The following EMX2 variants were observed in gnomAD, a reference collection of about 807,000 sequenced individuals.
EMX2 encodes the protein homeobox protein EMX2.
In EMX2, 6 loss-of-function variants were observed where a neutral mutation model predicts 23.0. The ratio of observed to expected loss-of-function variants is 0.26; its 90% CI spans 0.14 to 0.52. The LOEUF (loss-of-function observed/expected upper bound fraction) is 0.52. Ranked by LOEUF, EMX2 falls within the 20% of genes least tolerant of loss-of-function variation. EMX2 has a pLI of 0.97. For missense variants in EMX2, 302 were observed against 341.4 expected (o/e 0.88, Z 0.91); for synonymous variants, 175 against 153.3 (o/e 1.14, Z -1.04).
intron 2 of EMX2, among the ~76,000 whole-genome samples, chr10:117,546,229 C>T (rs576980866): frequency 2.0e-5 from 3 of 152,182 alleles, no homozygotes; most frequent in Non-Finnish European, 2.9e-5. Context: ...GAGTTCTGAG[C>T]GACTGTGAGC....
At position 117,545,694 on chromosome 10, in the gene EMX2, A is replaced by G. The variant is rs1239729348; in HGVS notation, c.469A>G (p.Ile157Val). Residue 157 changes from isoleucine to valine, a missense_variant, in exon 2 of 3, where the codon ATC (isoleucine) becomes GTC (valine). By Grantham distance (29) the Ile-to-Val change is conservative. This residue lies in a region of EMX2 where 37 missense variants were observed against 69.1 expected (regional missense o/e 0.54). Transcript: ENST00000553456. The stretch of plus-strand genomic sequence containing the variant: ...CGCGCTGGCCCGAAAGCCCAAGCGG[A>G]TCCGAACCGCCTTCTCCCCGTCCCA... ...HNALARKPKRIRTAFSPSQLL... is the reference protein window; with the variant it reads ...HNALARKPKRVRTAFSPSQLL... 6.2e-7 allele frequency: 1 copy of G among 1,614,130 alleles called. No homozygotes were observed. Among genetic ancestry groups the G allele is most frequent in the Non-Finnish European group, 8.5e-7 (1 of 1,180,036 alleles).
chr10:117,544,671 T>TA (rs1846549771), intron 1 of EMX2: 1 of 152,086 alleles, frequency 6.6e-6, no homozygotes, highest in Non-Finnish European at 1.5e-5. Context: ...CCCCATATTT[T>TA]AAAAAATCAA....
chr10:117,547,947 CG>C, intron 2 of EMX2, 117 bp from the exon 3 acceptor site: 1 of 1,432,340 alleles, frequency 7.0e-7, no homozygotes, highest in Non-Finnish European at 9.5e-7. Context: ...ACTTGCATCT[CG>C]GGGGCTGGGT....
Position 117,545,710 on chromosome 10 carries a change from C to G in EMX2, c.485C>G (p.Ser162Cys), listed in dbSNP as rs1564751704. Residue 162 changes from serine to cysteine, a missense_variant, in exon 2 of 3, where the codon TCC becomes TGC. By Grantham distance (112) the Ser-to-Cys change is moderately radical (BLOSUM62 -1). Coordinates refer to ENST00000553456, the MANE Select transcript of EMX2 (RefSeq NM_004098.4). ...CCCAAGCGGATCCGAACCGCCTTCTCCCCGTCCCAGCTTCTAAGGCTGGAA... is the reference window on the plus strand; with the variant it reads ...CCCAAGCGGATCCGAACCGCCTTCTGCCCGTCCCAGCTTCTAAGGCTGGAA... ...RKPKRIRTAF[S>C]PSQLLRLEHA... is the part of the protein sequence containing the mutation. 1 of 1,614,146 alleles carries G rather than the reference C, an allele frequency of 6.2e-7. No individual in the cohort carries two copies. The highest frequency in any genetic ancestry group is 1.7e-5 in the Admixed American group (1 of 60,032).
intron 1 of EMX2, among the ~76,000 whole-genome samples, chr10:117,545,422 C>T (rs939355776): frequency 2.6e-5 from 4 of 152,150 alleles, no homozygotes; most frequent in African/African-American, 7.2e-5. Flanking sequence ...GGTTGGGTGC[C>T]GCACCGGTGG....
chr10:117,546,522 T>G (rs1375857751), intron 2 of EMX2, among the ~76,000 whole-genome samples: 2 of 152,004 alleles, frequency 1.3e-5, no homozygotes, highest in South Asian at 2.1e-4. Context: ...AACGTTTTTT[T>G]GGGCAGACTA....
chr10:117,548,193 G>A lies in EMX2; in HGVS notation c.720G>A (p.Gln240=), dbSNP rs1390445185. 1.9e-6 allele frequency: 3 copies of A among 1,613,992 alleles called. No homozygotes were observed. Among genetic ancestry groups the A allele is most frequent in the Admixed American group, 3.3e-5 (2 of 60,018 alleles). The change falls in exon 3 of 3, where the codon CAG becomes CAA. Residue 240 remains glutamine, a synonymous_variant. Transcript: ENST00000553456. ...HINRWRIATK[Q]ASPEEIDVTS... is the part of the protein sequence containing the mutation. ...ACCGGTGGAGAATCGCCACCAAGCAGGCGAGTCCGGAGGAAATAGACGTGA... is the reference window on the plus strand; with the variant it reads ...ACCGGTGGAGAATCGCCACCAAGCAAGCGAGTCCGGAGGAAATAGACGTGA...
At chr10:117,545,071 C>A (rs1056956346) in intron 1 of EMX2, 1 of 152,256 alleles carries the variant, frequency 6.6e-6, no homozygotes, top group Admixed American at 6.5e-5. Context: ...CCAAGCACAC[C>A]CGCCGGCCAG....
chr10:117,545,512 C>T, intron 1 of EMX2, 120 bp from the exon 2 acceptor site: 5 of 1,253,908 alleles, frequency 4.0e-6, no homozygotes, highest in South Asian at 1.5e-5. Flanking sequence ...CCCCGCAGGT[C>T]GAGCGGCGCG....
chr10:117,547,265 C>T (rs1024190863), intron 2 of EMX2, among the ~76,000 whole-genome samples: 10 of 152,354 alleles, frequency 6.6e-5, no homozygotes, highest in South Asian at 6.2e-4. Flanking sequence ...GACCAGCAGC[C>T]TGTTCCGGGG....
chr10:117,545,697 C>T lies in EMX2; in HGVS notation c.472C>T (p.Arg158Ter), dbSNP rs1167470916. Residue 158 changes from arginine (R) to a stop codon, truncating the protein, a stop_gained, in exon 2 of 3, where the codon CGA (arginine) becomes TGA (stop). Transcript: ENST00000553456. LOFTEE classifies it high-confidence loss of function. The stretch of plus-strand genomic sequence containing the variant: ...GCTGGCCCGAAAGCCCAAGCGGATC[C>T]GAACCGCCTTCTCCCCGTCCCAGCT... Reference protein sequence around the residue: ...NALARKPKRIRTAFSPSQLLR... With the variant: ...NALARKPKRI The T allele has an allele frequency of 6.2e-7, 1 of 1,614,158 alleles. No homozygotes were observed. Among genetic ancestry groups the T allele is most frequent in the Non-Finnish European group, 8.5e-7 (1 of 1,180,044 alleles).
chr10:117,549,127 A>C lies in EMX2; in HGVS notation c.*895A>C, dbSNP rs970977859. ...AAGAATCAGGACTTGTACTGGGAAA[A>C]AAACCCCTAAATTAATTATATTTCT... On this transcript the variant is annotated 3_prime_UTR_variant, in exon 3 of 3. Transcript: ENST00000553456. 19 of 154,010 alleles carry C rather than the reference A, an allele frequency of 1.2e-4. No homozygotes were observed. The highest frequency in any genetic ancestry group is 4.3e-4 in the African/African-American group (18 of 41,526). 9.5% of individuals were successfully genotyped at this position (154,010 alleles called of 1,614,324 possible).
rs184203909 is a variant in EMX2 at position 117,546,253 on chromosome 10, C to A, written c.591+437C>A. 3.2e-4 allele frequency among the ~76,000 whole-genome samples: 49 copies of A among 152,316 alleles called. No individual in the cohort carries two copies. The East Asian group carries it at 8.3e-3, about 26-fold the overall frequency. ...GCGACTGTGAGCCCACGGCTCACAC[C>A]GTCGGCTCCAGTGACTTCCCTGAAG... On this transcript the variant is annotated intron_variant, in intron 2 of 2. Transcript: ENST00000553456.
At chr10:117,545,126 C>T (rs1409155073) in intron 1 of EMX2, 1 of 153,438 alleles carries the variant, frequency 6.5e-6, no homozygotes, top group Non-Finnish European at 1.4e-5. Flanking sequence ...CGCCTCTATA[C>T]TTTTCCGGAG....
chr10:117,543,294 C>T lies in EMX2; in HGVS notation c.27C>T (p.Cys9=). The T allele has an allele frequency of 6.5e-7, 1 of 1,549,762 alleles. No individual in the cohort carries two copies. The highest frequency in any genetic ancestry group is 1.2e-5 in the South Asian group (1 of 84,000). Reference sequence around the variant, plus strand: ...TGTTCCAGCCGGCGCCCAAGCGCTGCTTCACCATCGAGTCGCTGGTGGCCA... The same window carrying T: ...TGTTCCAGCCGGCGCCCAAGCGCTGTTTCACCATCGAGTCGCTGGTGGCCA... MFQPAPKR[C]FTIESLVAKD... The change falls in exon 1 of 3, where the codon TGC becomes TGT. Residue 9 remains cysteine (C), a synonymous_variant. Transcript: ENST00000553456.
At position 117,543,381 on chromosome 10, in the gene EMX2, C is replaced by T. The variant is rs772894553; in HGVS notation, c.114C>T (p.Tyr38=). The change falls in exon 1 of 3, where the codon TAC becomes TAT. Residue 38 remains tyrosine, a synonymous_variant. Coordinates refer to ENST00000553456, the MANE Select transcript of EMX2 (RefSeq NM_004098.4). ...CCATCCGTCCCGCGGCACTCAGCTA[C>T]GCTAACTCCAGCCCCATAAATCCGT... The part of the protein sequence containing the change: ...EDPIRPAALS[Y]ANSSPINPFL... 1 of 1,576,846 alleles carries T rather than the reference C, an allele frequency of 6.3e-7. No homozygotes were observed. Among genetic ancestry groups the T allele is most frequent in the South Asian group, 1.2e-5 (1 of 86,646 alleles).
At position 117,545,209 on chromosome 10, in the gene EMX2, G is replaced by A. The variant is rs532655092; in HGVS notation, c.407-423G>A. On this transcript the variant is annotated intron_variant, in intron 1 of 2. Transcript: ENST00000553456. ...GAGAGCAGCCCGCCGCCTTTCCACC[G>A]TGGGTCAAAGTTCCCCGAGAGGTTA... is the stretch of plus-strand genomic sequence containing the variant. The A allele has an allele frequency of 9.6e-5, 16 of 166,304 alleles. No homozygotes were observed. In the South Asian group the frequency reaches 2.0e-3, roughly 20 times the overall value. The allele number at this position is 166,304 out of a possible 1,614,324, so 10.3% of individuals were successfully genotyped here.
chr10:117,545,527 T>C (rs1387863787), intron 1 of EMX2, 105 bp from the exon 2 acceptor site: 13 of 1,417,402 alleles, frequency 9.2e-6, no homozygotes, highest in Admixed American at 2.1e-5. Flanking sequence ...GGCGCGGCTA[T>C]GCGAAGGCCC....
intron 2 of EMX2, among the ~76,000 whole-genome samples, chr10:117,546,916 C>A (rs180867711): frequency 2.0e-5 from 3 of 152,370 alleles, no homozygotes; most frequent in Admixed American, 1.3e-4. Flanking sequence ...GACCGGCCTG[C>A]GGCCTCAAAG....
Sources: gnomAD v4.1 joint callset for allele counts (sites outside exome capture counted in the v4.1 genomes callset) on GRCh38, gnomAD v4.1.1 for gene constraint, gnomAD v4.1.1 regional missense constraint, MANE v1.5 for transcripts, NCBI Gene and HGNC (gene_info 2026-07-23, HGNC 2026-07-21) for gene names.